CADPS2: variants seen among roughly 807,000 people sequenced by gnomAD.
The protein encoded by CADPS2 is calcium-dependent secretion activator 2.
A neutral mutation model predicts 172.5 loss-of-function variants in CADPS2; 93 were observed. That is an observed-to-expected ratio of 0.54 (90% CI 0.46 to 0.64). The LOEUF (loss-of-function observed/expected upper bound fraction) is 0.64, where lower values mean the gene tolerates loss of function less well. CADPS2 is among the 30% of genes least tolerant of loss of function. The pLI is 0.00. For missense variants in CADPS2, 1,420 were observed against 1,565.9 expected (o/e 0.91, Z 1.57); for synonymous variants, 546 against 555.2 (o/e 0.98, Z 0.23).
chr7:122,534,077 C>A (rs1021852288), intron 8 of CADPS2, among the ~76,000 whole-genome samples: 4 of 152,112 alleles, frequency 2.6e-5, no homozygotes, highest in East Asian at 3.9e-4. Context: ...ATATAATATT[C>A]ACATCTCCAG....
chr7:122,849,271 T>C (rs1292053807), intron 1 of CADPS2, among the ~76,000 whole-genome samples: 2 of 152,234 alleles, frequency 1.3e-5, no homozygotes, highest in African/African-American at 2.4e-5. Flanking sequence ...CTCTCCTCAA[T>C]CTGTAAAATA....
At chr7:122,858,849 C>T (rs1194918802) in intron 1 of CADPS2, among the ~76,000 whole-genome samples, 1 of 151,988 alleles carries the variant, frequency 6.6e-6, no homozygotes. Flanking sequence ...GGTATTTAAG[C>T]AAATATGCTA....
At position 122,828,348 on chromosome 7, in the gene CADPS2, C is replaced by CT. The variant is rs965846836; in HGVS notation, c.339+57650dup. Among the ~76,000 whole-genome samples the CT allele has an allele frequency of 2.5e-3, 363 of 147,308 alleles. 3 individuals carry two copies. The highest frequency in any genetic ancestry group is 4.3e-3 in the Admixed American group (63 of 14,694). ...CCTGTAAGCAACATATAATGGGTTC[C>CT]TTTTTTTTTTATCCACTCTATCTCT... is the stretch of plus-strand genomic sequence containing the variant. On this transcript the variant is annotated intron_variant, in intron 1 of 29. Transcript: ENST00000449022.
At chr7:122,783,230 T>C (rs1253117495) in intron 1 of CADPS2, among the ~76,000 whole-genome samples, 1 of 151,592 alleles carries the variant, frequency 6.6e-6, no homozygotes, top group Non-Finnish European at 1.5e-5. Context: ...AACCAGCATA[T>C]AGCTAGGTTT....
At chr7:122,354,185 G>T (rs374310640) in intron 27 of CADPS2, 5 of 152,096 alleles carry the variant, frequency 3.3e-5, no homozygotes, top group African/African-American at 1.2e-4. Flanking sequence ...GTAGATACTA[G>T]ATTTTATTGT....
chr7:122,578,110 G>GTA (rs924868297), intron 7 of CADPS2, among the ~76,000 whole-genome samples: 1 of 149,642 alleles, frequency 6.7e-6, no homozygotes, highest in African/African-American at 2.5e-5. Context: ...ATACACAAAA[G>GTA]TATATATATT....
chr7:122,448,928 G>GA lies in CADPS2; in HGVS notation c.2288+2445dup, dbSNP rs140174955. On this transcript the variant is annotated intron_variant, in intron 15 of 29. Coordinates refer to ENST00000449022, the MANE Select transcript of CADPS2 (RefSeq NM_017954.11). ...CTTAACGGCTAAGGTGTGAGATAAA[G>GA]AAAAAAAAAATAAAAAAATTATGTT... Among the ~76,000 whole-genome samples the GA allele has an allele frequency of 1.3e-3, 188 of 147,838 alleles. 2 individuals are homozygous for GA. The East Asian group carries it at 0.028, about 22-fold the overall frequency.
chr7:122,489,294 A>T (rs1191304984), intron 11 of CADPS2, among the ~76,000 whole-genome samples: 1 of 152,182 alleles, frequency 6.6e-6, no homozygotes, highest in Non-Finnish European at 1.5e-5. Context: ...CATGAAAAGC[A>T]GAAGAAAATA....
chr7:122,840,553 CAAAA>C (rs5887117), intron 1 of CADPS2, among the ~76,000 whole-genome samples: 2 of 130,098 alleles, frequency 1.5e-5, no homozygotes, highest in African/African-American at 2.8e-5. Flanking sequence ...TTTTTAAATG[CAAAA>C]AAAAAAAAAA....
intron 6 of CADPS2, among the ~76,000 whole-genome samples, chr7:122,585,235 C>A (rs2069469924): frequency 6.6e-6 from 1 of 151,256 alleles, no homozygotes; most frequent in African/African-American, 2.4e-5. Context: ...ATCCTTGTAT[C>A]CTGGAAAGTT....
intron 3 of CADPS2, among the ~76,000 whole-genome samples, chr7:122,645,486 G>C (rs2078350497): frequency 1.2e-5 from 1 of 86,584 alleles, no homozygotes. Flanking sequence ...TATATATTTA[G>C]CGTATATATA....
intron 1 of CADPS2, among the ~76,000 whole-genome samples, chr7:122,773,314 C>T (rs1468518148): frequency 6.6e-6 from 1 of 151,924 alleles, no homozygotes; most frequent in Non-Finnish European, 1.5e-5. Context: ...GTTTATACTA[C>T]TTAAATCAGT....
At position 122,386,167 on chromosome 7, in the gene CADPS2, C is replaced by T. The variant is rs115462528; in HGVS notation, c.3312+859G>A. ...AAGCTGTTAGCCTTATATATGCGAA[C>T]ACAGAAGCCAAAAATCTGAAAATAA... On this transcript the variant is annotated intron_variant, in intron 24 of 29. Coordinates refer to ENST00000449022, the MANE Select transcript of CADPS2 (RefSeq NM_017954.11). The T allele has an allele frequency of 3.1e-3, 1,976 of 635,736 alleles. 32 individuals are homozygous for T. The African/African-American group carries it at 0.032, about 10-fold the overall frequency. 39.4% of individuals were successfully genotyped at this position (635,736 alleles called of 1,614,324 possible).
intron 3 of CADPS2, among the ~76,000 whole-genome samples, chr7:122,648,308 T>C (rs538456142): frequency 1.3e-5 from 2 of 152,170 alleles, no homozygotes; most frequent in Non-Finnish European, 2.9e-5. Flanking sequence ...TGTCCCATGG[T>C]TTAAAATACT....
intron 1 of CADPS2, among the ~76,000 whole-genome samples, chr7:122,874,844 A>G (rs1268039420): frequency 6.6e-6 from 1 of 152,228 alleles, no homozygotes; most frequent in African/African-American, 2.4e-5. Context: ...GGAAACTGAA[A>G]CTGGACCCCT....
chr7:122,445,281 G>C (rs997451549), intron 15 of CADPS2, among the ~76,000 whole-genome samples: 1 of 151,962 alleles, frequency 6.6e-6, no homozygotes, highest in African/African-American at 2.4e-5. Flanking sequence ...TGGATCCATA[G>C]GTCAATTTAG....
chr7:122,621,046 C>T (rs1384023316), intron 5 of CADPS2, among the ~76,000 whole-genome samples: 1 of 152,026 alleles, frequency 6.6e-6, no homozygotes, highest in Non-Finnish European at 1.5e-5. Flanking sequence ...GCTGGGACTA[C>T]ACGCTCACAT....
At chr7:122,885,259 G>T (rs759966928) in intron 1 of CADPS2, among the ~76,000 whole-genome samples, 2 of 152,122 alleles carry the variant, frequency 1.3e-5, no homozygotes, top group African/African-American at 2.4e-5. Flanking sequence ...CCTTTTGGGG[G>T]AGAATAAGCA....
chr7:122,411,586 C>G (rs2047326326), intron 19 of CADPS2, among the ~76,000 whole-genome samples: 1 of 152,062 alleles, frequency 6.6e-6, no homozygotes, highest in Non-Finnish European at 1.5e-5. Context: ...GGATGGCTGC[C>G]TAAACGAGCA....
Sources: allele counts gnomAD v4.1 joint callset (sites outside exome capture counted in the v4.1 genomes callset), GRCh38; gene constraint gnomAD v4.1.1; transcripts MANE v1.5; gene names NCBI Gene and HGNC (gene_info 2026-07-23, HGNC 2026-07-21).